Variants in CMYA5 observed in about 807,000 individuals in gnomAD.
The protein encoded by CMYA5 is cardiomyopathy-associated protein 5.
In CMYA5, 246 loss-of-function variants were observed where a neutral mutation model predicts 318.9. That is an observed-to-expected ratio of 0.77 (90% CI 0.70 to 0.86). CMYA5 has a LOEUF of 0.86. CMYA5 is among the 40% of genes least tolerant of loss of function. The pLI, the probability that CMYA5 is intolerant of heterozygous loss-of-function variation, is 0.00. For missense variants in CMYA5, 4,589 were observed against 4,678.2 expected, an observed-to-expected ratio of 0.98 and a Z score of 0.56; for synonymous variants, 1,641 against 1,729.5, an observed-to-expected ratio of 0.95 and a Z score of 1.27.
chr5:79,786,553 A>G (rs1054307465), intron 9 of CMYA5, among the ~76,000 whole-genome samples: 15 of 152,226 alleles, frequency 9.9e-5, no homozygotes, highest in African/African-American at 3.6e-4. Context: ...TTCTACTGCA[A>G]ACTATGCAAT....
intron 1 of CMYA5, among the ~76,000 whole-genome samples, chr5:79,727,998 A>G (rs145181146): frequency 1.3e-5 from 2 of 152,346 alleles, no homozygotes; most frequent in East Asian, 1.9e-4. Context: ...TTGAGTGAGC[A>G]CTAACTACAT....
intron 1 of CMYA5, among the ~76,000 whole-genome samples, chr5:79,725,293 A>C (rs2151082745): frequency 6.6e-6 from 1 of 152,362 alleles, no homozygotes; most frequent in Admixed American, 6.5e-5. Flanking sequence ...ATAAATAAGA[A>C]TTAAATCATG....
intron 1 of CMYA5, among the ~76,000 whole-genome samples, chr5:79,703,451 T>C (rs1264101980): frequency 6.6e-6 from 1 of 152,220 alleles, no homozygotes; most frequent in East Asian, 1.9e-4. Context: ...CACCTTGGTA[T>C]TTCTGCTTTG....
chr5:79,762,834 T>C, intron 8 of CMYA5: 1 of 500,680 alleles, frequency 2.0e-6, no homozygotes, highest in South Asian at 3.4e-5. Flanking sequence ...AAGCTACTAT[T>C]AGGGGCTGTT....
At position 79,725,227 on chromosome 5, in the gene CMYA5, C is replaced by T. The variant is rs183806011; in HGVS notation, c.150-3688C>T. ...TGGAATCAACCTAAGTGCCCATCAA[C>T]GGTGGATTGGATAAAGAAAATATGG... On this transcript the variant is annotated intron_variant, in intron 1 of 12. Coordinates refer to ENST00000446378, the MANE Select transcript of CMYA5 (RefSeq NM_153610.5). 1.1e-3 allele frequency among the ~76,000 whole-genome samples: 172 copies of T among 152,206 alleles called. 2 individuals are homozygous for T. The Middle Eastern group carries it at 0.014, about 12-fold the overall frequency.
chr5:79,723,629 G>C (rs1827689387), intron 1 of CMYA5, among the ~76,000 whole-genome samples: 2 of 151,836 alleles, frequency 1.3e-5, no homozygotes, highest in African/African-American at 2.4e-5. Context: ...AAGTGTGATG[G>C]GGCACACCTA....
At position 79,736,706 on chromosome 5, in the gene CMYA5, G is replaced by T. The variant is rs778027713; in HGVS notation, c.7941G>T (p.Glu2647Asp). 9.3e-6 allele frequency: 15 copies of T among 1,613,322 alleles called. No individual in the cohort carries two copies. The highest frequency in any genetic ancestry group is 8.8e-5 in the South Asian group (8 of 91,034). Residue 2647 changes from glutamate to aspartate, a missense_variant, in exon 2 of 13, where the codon GAG becomes GAT. Transcript: ENST00000446378. ...PVALSCRDEI[E>D]NHSLSQEGNL... ...CTCTTTCTTGTCGTGATGAAATAGA[G>T]AACCACTCTTTATCTCAGGAAGGAA...
chr5:79,706,326 G>A (rs937179206), intron 1 of CMYA5, among the ~76,000 whole-genome samples: 11 of 152,184 alleles, frequency 7.2e-5, no homozygotes, highest in African/African-American at 2.7e-4. Flanking sequence ...TTACAATATA[G>A]TGTGTGCATC....
Position 79,731,314 on chromosome 5 carries a change from T to C in CMYA5, c.2549T>C (p.Val850Ala). 6.2e-7 allele frequency: 1 copy of C among 1,613,520 alleles called. No homozygotes were observed. Among genetic ancestry groups the C allele is most frequent in the African/African-American group, 1.3e-5 (1 of 74,874 alleles). ...VIGPSSPDLVVASEHSFPPHT... is the reference protein window; with the variant it reads ...VIGPSSPDLVAASEHSFPPHT... Reference sequence around the variant, plus strand: ...GGACCATCTTCCCCAGATTTGGTTGTTGCATCTGAACACTCTTTCCCACCA... The same window carrying C: ...GGACCATCTTCCCCAGATTTGGTTGCTGCATCTGAACACTCTTTCCCACCA... The change falls in exon 2 of 13, where the codon GTT becomes GCT. Residue 850 changes from valine to alanine, a missense_variant. Transcript: ENST00000446378.
At chr5:79,754,994 G>A (rs141938839) in intron 6 of CMYA5, among the ~76,000 whole-genome samples, 85 of 152,226 alleles carry the variant, frequency 5.6e-4, no homozygotes, top group African/African-American at 1.9e-3. Context: ...ATGTTGTAAC[G>A]TGAAACTTTT....
intron 9 of CMYA5, among the ~76,000 whole-genome samples, chr5:79,785,640 A>G (rs1023589887): frequency 1.3e-5 from 2 of 152,030 alleles, no homozygotes; most frequent in Admixed American, 6.6e-5. Flanking sequence ...ATCTTACTGA[A>G]TTCTCTTATT....
Position 79,793,351 on chromosome 5 carries a change from C to T in CMYA5, c.11790-86C>T, listed in dbSNP as rs1829210620. On this transcript the variant is annotated intron_variant, in intron 11 of 12. Coordinates refer to ENST00000446378, the MANE Select transcript of CMYA5 (RefSeq NM_153610.5). ...TTCCAAGGGCAGAATCCTGCCTAAA[C>T]TGTGTGAGTTTGTGAATGTTTATGC... 3.0e-5 allele frequency: 40 copies of T among 1,327,852 alleles called. No individual in the cohort carries two copies. In the South Asian group the frequency reaches 5.4e-4, roughly 18 times the overall value. The allele number at this position is 1,327,852 out of a possible 1,614,324, so 82.3% of individuals were successfully genotyped here. A position where few individuals can be genotyped will look rare whatever the true frequency, so the allele number is the denominator to read the frequency against.
intron 9 of CMYA5, 135 bp downstream of exon 9, chr5:79,763,344 C>A: frequency 1.3e-6 from 1 of 750,148 alleles, no homozygotes; most frequent in Non-Finnish European, 2.1e-6. Flanking sequence ...AAGCCGCTGA[C>A]TTGATTTGCA....
intron 1 of CMYA5, among the ~76,000 whole-genome samples, chr5:79,714,782 A>G: frequency 6.6e-6 from 1 of 152,090 alleles, no homozygotes; most frequent in Non-Finnish European, 1.5e-5. Flanking sequence ...AGCATATGTC[A>G]CACTATATGA....
At chr5:79,759,028 C>A in intron 7 of CMYA5, 126 bp downstream of exon 7, 1 of 780,014 alleles carries the variant, frequency 1.3e-6, no homozygotes, top group Non-Finnish European at 1.8e-6. Flanking sequence ...AAAACAACAA[C>A]AAAACCCCAA....
chr5:79,761,921 T>C lies in CMYA5; in HGVS notation c.11371T>C (p.Cys3791Arg). ...GGTGATGGCTGTGAACTTCACTGGA[T>C]GTAGCCTGCCCAGTGAAAGGGCCAT... Reference protein sequence around the residue: ...VWVMAVNFTGCSLPSERAIFR... With the variant: ...VWVMAVNFTGRSLPSERAIFR... Residue 3791 changes from cysteine to arginine, a missense_variant, in exon 8 of 13, where the codon TGT (cysteine) becomes CGT (arginine). Coordinates refer to ENST00000446378, the MANE Select transcript of CMYA5 (RefSeq NM_153610.5). 1 of 1,613,772 alleles carries C rather than the reference T, an allele frequency of 6.2e-7. No homozygotes were observed. Among genetic ancestry groups the C allele is most frequent in the Non-Finnish European group, 8.5e-7 (1 of 1,179,796 alleles).
At chr5:79,712,627 A>G (rs1827419167) in intron 1 of CMYA5, among the ~76,000 whole-genome samples, 2 of 152,066 alleles carry the variant, frequency 1.3e-5, no homozygotes, top group Non-Finnish European at 2.9e-5. Context: ...CTTTATTTTT[A>G]AATGTATTAC....
At chr5:79,720,905 T>G (rs1216640009) in intron 1 of CMYA5, among the ~76,000 whole-genome samples, 3 of 152,120 alleles carry the variant, frequency 2.0e-5, no homozygotes, top group Non-Finnish European at 2.9e-5. Flanking sequence ...CAGGAAGGAA[T>G]GAAGCACAAT....
intron 9 of CMYA5, among the ~76,000 whole-genome samples, chr5:79,787,765 T>C (rs572066669): frequency 4.1e-4 from 63 of 152,324 alleles, no homozygotes; most frequent in African/African-American, 1.5e-3. Context: ...CTTTTAGACA[T>C]GGGGTCAGGG....
Sources: gnomAD v4.1 joint callset for allele counts (sites outside exome capture counted in the v4.1 genomes callset) on GRCh38, gnomAD v4.1.1 for gene constraint, MANE v1.5 for transcripts, NCBI Gene and HGNC (gene_info 2026-07-23, HGNC 2026-07-21) for gene names.